Variants in PUF60 observed in about 807,000 individuals in gnomAD.
The protein encoded by PUF60 is poly(U)-binding-splicing factor PUF60.
PUF60 carries 10 observed loss-of-function variants against 61.8 expected under a neutral mutation model. The observed-to-expected ratio is 0.16, with a 90% CI of 0.10 to 0.27. The LOEUF (loss-of-function observed/expected upper bound fraction) is 0.27. Among genes scored for constraint, PUF60 ranks in the 10% least tolerant of loss-of-function variants. PUF60 has a pLI of 1.00. For synonymous variants in PUF60, 353 were observed against 300.9 expected (o/e 1.17, Z -1.79); for missense variants, 371 against 754.0 (o/e 0.49, Z 5.95).
In PUF60 at chr8:143,821,878, G is replaced by A. The variant is rs777558003; in HGVS notation, c.147C>T (p.Ser49=). The change falls in exon 3 of 12, where the codon AGC becomes AGT. Residue 49 remains serine, a synonymous_variant. Coordinates refer to ENST00000526683, the MANE Select transcript of PUF60 (RefSeq NM_078480.3). ...TDSIKMENGQ[S]TAAKLGLPPL... ...GAGGCAGCCCCAGCTTGGCGGCTGT[G>A]CTCTGCCCGTTCTCCATCTTGATGG... 1 of 1,608,896 alleles carries A rather than the reference G, an allele frequency of 6.2e-7. No homozygotes were observed. The highest frequency in any genetic ancestry group is 8.5e-7 in the Non-Finnish European group (1 of 1,178,884).
At chr8:143,822,406 G>A in intron 2 of PUF60, 1 of 433,568 alleles carries the variant, frequency 2.3e-6, no homozygotes. Context: ...GGAGTTTCAA[G>A]GGGCCCACCC....
intron 1 of PUF60, among the ~76,000 whole-genome samples, chr8:143,826,406 A>G (rs1432378765): frequency 3.3e-5 from 5 of 152,248 alleles, no homozygotes; most frequent in African/African-American, 1.2e-4. Flanking sequence ...TCTCTATGAA[A>G]AAAAAGATTT....
intron 1 of PUF60, 41 bp from the exon 2 acceptor site, chr8:143,824,440 C>T (rs1483486467): frequency 6.3e-7 from 1 of 1,590,516 alleles, no homozygotes; most frequent in Non-Finnish European, 8.6e-7. Context: ...AGGCACACCA[C>T]CCCACCGCCC....
In PUF60 at chr8:143,817,335, G is replaced by T. The variant is rs535427378; in HGVS notation, c.1140C>A (p.Ile380=). The part of the protein sequence containing the change: ...AVMAAQAPGV[I]TGVTPARPPI... ...CTGGTACCACTTAAGACTCACCTGT[G>T]ATGACTCCAGGTGCCTGGGCAGCCA... The change falls in exon 10 of 12, where the codon ATC becomes ATA. Residue 380 remains isoleucine, a synonymous_variant. Transcript: ENST00000526683. The surrounding 1 kb of genome is among the most constrained non-coding windows in gnomAD (Gnocchi z 7.4). 3 of 1,588,752 alleles carry T rather than the reference G, an allele frequency of 1.9e-6. No individual in the cohort carries two copies. In the South Asian group the frequency reaches 3.4e-5, roughly 18 times the overall value.
chr8:143,820,698 C>T lies in PUF60; in HGVS notation c.316G>A (p.Gly106Ser). 1 of 1,613,092 alleles carries T rather than the reference C, an allele frequency of 6.2e-7. No homozygotes were observed. The highest frequency in any genetic ancestry group is 8.5e-7 in the Non-Finnish European group (1 of 1,179,426). ...AAAGGTGAGAGAGGATCTCCAAAGC[C>T]CATTGTCACTGCTGCCATCTGAAAG... ...TNLQMAAVTM[G>S]FGDPLSPLQS... Residue 106 changes from glycine to serine, a missense_variant, in exon 5 of 12, where the codon GGC (glycine) becomes AGC (serine). By Grantham distance (56) the Gly-to-Ser change is moderately conservative. Coordinates refer to ENST00000526683, the MANE Select transcript of PUF60 (RefSeq NM_078480.3).
intron 1 of PUF60, among the ~76,000 whole-genome samples, chr8:143,826,142 C>G (rs954206047): frequency 2.0e-5 from 3 of 152,226 alleles, no homozygotes; most frequent in Non-Finnish European, 4.4e-5. Flanking sequence ...TCTTTATGGT[C>G]AGGATGCCCC....
At position 143,818,763 on chromosome 8, in the gene PUF60, G is replaced by C; in HGVS notation, c.349-229C>G. Reference sequence around the variant, plus strand: ...GGCAGGACAGGACGCACCCCAGCCCGCCAAGGTCCCAGGCAGACTGCGGCA... The same window carrying C: ...GGCAGGACAGGACGCACCCCAGCCCCCCAAGGTCCCAGGCAGACTGCGGCA... On this transcript the variant is annotated intron_variant, in intron 5 of 11. Transcript: ENST00000526683. This position sits in a 1 kb window ranked among gnomAD's most constrained non-coding sequence, Gnocchi z 7.9. The C allele has an allele frequency of 1.7e-6, 1 of 572,826 alleles. No homozygotes were observed. Among genetic ancestry groups the C allele is most frequent in the Non-Finnish European group, 3.1e-6 (1 of 326,234 alleles). 35.5% of individuals were successfully genotyped at this position (572,826 alleles called of 1,614,324 possible). A position where few individuals can be genotyped will look rare whatever the true frequency, so the allele number is the denominator to read the frequency against.
chr8:143,824,235 CCCAGGGACGCACAGGCA>C (rs1325232828), intron 2 of PUF60, 61 bp downstream of exon 2: 29 of 1,448,168 alleles, frequency 2.0e-5, no homozygotes, highest in Non-Finnish European at 2.5e-5. Flanking sequence ...CCTCTCTGGG[CCCAGGGACGCACAGGCA>C]GGCGGGCGGG....
chr8:143,822,420 G>A, intron 2 of PUF60: 1 of 449,416 alleles, frequency 2.2e-6, no homozygotes, highest in South Asian at 1.6e-5. Context: ...CCCACCCAAG[G>A]AGCTAATACA....
chr8:143,827,269 C>CA, intron 1 of PUF60: 1 of 422,480 alleles, frequency 2.4e-6, no homozygotes, highest in Non-Finnish European at 4.8e-6. Context: ...CTGGGGCCTA[C>CA]AGAAGAAAGG....
rs190706828 is a variant in PUF60, at chr8:143,828,715, G to A, written c.24+565C>T. Among the ~76,000 whole-genome samples the A allele has an allele frequency of 4.3e-4, 66 of 152,348 alleles. No individual in the cohort carries two copies. The East Asian group carries it at 0.012, about 29-fold the overall frequency. On this transcript the variant is annotated intron_variant, in intron 1 of 11. Transcript: ENST00000526683. ...CGATTTCTCAAAACACGTAGGATGA[G>A]AGCGCACGTCCTTCCTTTCCACGTG...
intron 2 of PUF60, chr8:143,822,533 G>A: frequency 2.2e-6 from 1 of 456,620 alleles, no homozygotes; most frequent in Non-Finnish European, 4.4e-6. Flanking sequence ...CCCTGAAGAG[G>A]GCTCCAGCTC....
At chr8:143,825,238 G>A (rs892752970) in intron 1 of PUF60, 2 of 152,286 alleles carry the variant, frequency 1.3e-5, no homozygotes, top group Non-Finnish European at 1.5e-5. Flanking sequence ...AAGAACAGAA[G>A]AGATCAGCGT....
rs534834628 is a variant in PUF60, at chr8:143,817,570, C to T, written c.1008+22G>A. ...GGGGCCAGCCCGCCCACCCTCAAGC[C>T]GACAGCTGTGTGGGCCCTCACCTGA... On this transcript the variant is annotated intron_variant, in intron 9 of 11. Coordinates refer to ENST00000526683, the MANE Select transcript of PUF60 (RefSeq NM_078480.3). The surrounding 1 kb of genome is among the most constrained non-coding windows in gnomAD (Gnocchi z 7.4). 8.7e-6 allele frequency: 14 copies of T among 1,610,122 alleles called. No individual in the cohort carries two copies. Among genetic ancestry groups the T allele is most frequent in the Middle Eastern group, 3.3e-4 (2 of 6,044 alleles).
At chr8:143,826,229 AACTCTGGG>A (rs1817620669) in intron 1 of PUF60, among the ~76,000 whole-genome samples, 2 of 152,224 alleles carry the variant, frequency 1.3e-5, no homozygotes, top group Non-Finnish European at 2.9e-5. Flanking sequence ...CTGGGGTGCC[AACTCTGGG>A]ACTGCCTTTC....
intron 11 of PUF60, 25 bp downstream of exon 11, chr8:143,816,885 G>T: frequency 3.4e-6 from 1 of 292,502 alleles, no homozygotes; most frequent in Non-Finnish European, 5.9e-6. Context: ...CCTCTCCCCC[G>T]CCACCACCCT....
At position 143,818,031 on chromosome 8, in the gene PUF60, G is replaced by T; in HGVS notation, c.648C>A (p.Asp216Glu). ...SNIGQAQPII[D>E]QLAEEARAFN... ...AGGCCCGTGCCTCCTCAGCCAACTG[G>T]TCTATGATGGGCTGGGCCTGCCCTA... Residue 216 changes from aspartate (D) to glutamate (E), a missense_variant, in exon 8 of 12, where the codon GAC (aspartate) becomes GAA (glutamate). Physicochemically the swap from Asp to Glu is conservative, Grantham distance 45. This residue lies in a region of PUF60 where 31 missense variants were observed against 80.6 expected (regional missense o/e 0.38). Transcript: ENST00000526683. This position sits in a 1 kb window ranked among gnomAD's most constrained non-coding sequence, Gnocchi z 7.9. 1 of 1,612,814 alleles carries T rather than the reference G, an allele frequency of 6.2e-7. No individual in the cohort carries two copies. Among genetic ancestry groups the T allele is most frequent in the Non-Finnish European group, 8.5e-7 (1 of 1,179,840 alleles).
At chr8:143,827,037 C>G in intron 1 of PUF60, 1 of 285,322 alleles carries the variant, frequency 3.5e-6, no homozygotes, top group Non-Finnish European at 6.9e-6. Flanking sequence ...ACTGCGTGCC[C>G]AGGCTCCACA....
At chr8:143,824,235 C>A in intron 2 of PUF60, 78 bp downstream of exon 2, 2 of 1,448,288 alleles carry the variant, frequency 1.4e-6, no homozygotes, top group East Asian at 2.5e-5. Flanking sequence ...CCTCTCTGGG[C>A]CCAGGGACGC....
Sources: allele counts gnomAD v4.1 joint callset (sites outside exome capture counted in the v4.1 genomes callset), GRCh38; gene constraint gnomAD v4.1.1; regional missense constraint gnomAD v4.1.1; non-coding constraint Gnocchi (gnomAD v3.1); transcripts MANE v1.5; gene names NCBI Gene and HGNC (gene_info 2026-07-23, HGNC 2026-07-21).